Variants in PLCG2 observed in about 807,000 individuals in gnomAD.
PLCG2 encodes the protein 1-phosphatidylinositol 4,5-bisphosphate phosphodiesterase gamma-2.
A neutral mutation model predicts 175.6 loss-of-function variants in PLCG2; 69 were observed. The observed-to-expected ratio is 0.39, with a 90% CI of 0.32 to 0.48. The LOEUF (loss-of-function observed/expected upper bound fraction) is 0.48, where lower values mean the gene tolerates loss of function less well. Among genes scored for constraint, PLCG2 ranks in the 20% least tolerant of loss-of-function variants. The pLI, the probability that PLCG2 is intolerant of heterozygous loss-of-function variation, is 0.91. For missense variants in PLCG2, 1,798 were observed against 1,650.9 expected (o/e 1.09, Z -1.54); for synonymous variants, 827 against 624.0 (o/e 1.33, Z -4.85).
chr16:81,747,879 CT>C (rs536858104), intron 1 of PLCG2, among the ~76,000 whole-genome samples: 13 of 152,096 alleles, frequency 8.5e-5, no homozygotes, highest in South Asian at 4.1e-4. Context: ...AAATGAATGA[CT>C]TTTTTTCTTT....
At position 81,842,301 on chromosome 16, in the gene PLCG2, T is replaced by G. The variant is rs542996386; in HGVS notation, c.194-12143T>G. 1.7e-4 allele frequency among the ~76,000 whole-genome samples: 26 copies of G among 152,252 alleles called. 1 individual carries two copies. The East Asian group carries it at 5.0e-3, about 29-fold the overall frequency. On this transcript the variant is annotated intron_variant, in intron 2 of 32. Transcript: ENST00000564138. Reference sequence around the variant, plus strand: ...TCCCCTTGCTGGGGAGGAGCCCCAGTGTGGACTCTGTTGCACTCCTGATGT... The same window carrying G: ...TCCCCTTGCTGGGGAGGAGCCCCAGGGTGGACTCTGTTGCACTCCTGATGT...
intron 1 of PLCG2, among the ~76,000 whole-genome samples, chr16:81,746,337 A>T (rs1263951009): frequency 6.6e-6 from 1 of 152,112 alleles, no homozygotes; most frequent in Non-Finnish European, 1.5e-5. Flanking sequence ...ACAGGTGGAG[A>T]ACCCAACTCC....
At chr16:81,799,816 A>G (rs766094856) in intron 2 of PLCG2, among the ~76,000 whole-genome samples, 29 of 146,440 alleles carry the variant, frequency 2.0e-4, no homozygotes, top group Non-Finnish European at 3.3e-4. Context: ...GATGGTCTCG[A>G]TCTCCTGACC....
chr16:81,860,173 T>TTA (rs56260145), intron 5 of PLCG2, among the ~76,000 whole-genome samples: 10,068 of 80,954 alleles, frequency 0.12, 414 homozygotes, highest in Non-Finnish European at 0.18. Flanking sequence ...ATTATTATTA[T>TTA]TTTTTTTTTT....
At position 81,786,148 on chromosome 16, in the gene PLCG2, C is replaced by T. The variant is rs767741418; in HGVS notation, c.159C>T (p.Ala53=). The change falls in exon 2 of 33, where the codon GCC becomes GCT. Residue 53 remains alanine, a synonymous_variant. Coordinates refer to ENST00000564138, the MANE Select transcript of PLCG2 (RefSeq NM_002661.5). The part of the protein sequence containing the change: ...VQVIMETRQV[A]WSKTADKIEG... The stretch of plus-strand genomic sequence containing the variant: ...TGATCATGGAGACGCGGCAGGTGGC[C>T]TGGAGCAAGACCGCTGACAAGATCG... 1.2e-6 allele frequency: 2 copies of T among 1,614,170 alleles called. No individual in the cohort carries two copies. The highest frequency in any genetic ancestry group is 4.5e-5 in the East Asian group (2 of 44,882).
intron 30 of PLCG2, among the ~76,000 whole-genome samples, chr16:81,942,233 G>A (rs1480427022): frequency 6.6e-6 from 1 of 152,198 alleles, no homozygotes; most frequent in East Asian, 1.9e-4. Flanking sequence ...GCCTTGCAGA[G>A]ATGTCAGAGT....
At chr16:81,823,894 C>G (rs1455066451) in intron 2 of PLCG2, among the ~76,000 whole-genome samples, 1 of 146,098 alleles carries the variant, frequency 6.8e-6, no homozygotes, top group Non-Finnish European at 1.5e-5. Context: ...TCTTTTCTTT[C>G]CTCCCTTCCT....
chr16:81,811,746 C>T (rs1014956629), intron 2 of PLCG2, among the ~76,000 whole-genome samples: 2 of 152,154 alleles, frequency 1.3e-5, no homozygotes, highest in African/African-American at 2.4e-5. Flanking sequence ...ATATGTGCCA[C>T]ATTTTCTTTA....
At chr16:81,847,205 A>G (rs1231702953) in intron 2 of PLCG2, among the ~76,000 whole-genome samples, 1 of 152,228 alleles carries the variant, frequency 6.6e-6, no homozygotes, top group East Asian at 1.9e-4. Flanking sequence ...ATTACAAAAG[A>G]TAAAGATGAT....
chr16:81,751,894 C>T (rs1029202162), intron 1 of PLCG2, among the ~76,000 whole-genome samples: 4 of 151,794 alleles, frequency 2.6e-5, no homozygotes, highest in East Asian at 1.9e-4. Flanking sequence ...TGGTGGCAGG[C>T]GTCTGTAATC....
chr16:81,827,326 G>A (rs1597340674), intron 2 of PLCG2, among the ~76,000 whole-genome samples: 1 of 152,070 alleles, frequency 6.6e-6, no homozygotes, highest in Non-Finnish European at 1.5e-5. Flanking sequence ...TGGGACCACA[G>A]GTGTATGCTC....
chr16:81,909,316 T>C (rs1440065703), intron 17 of PLCG2, among the ~76,000 whole-genome samples: 1 of 152,166 alleles, frequency 6.6e-6, no homozygotes, highest in African/African-American at 2.4e-5. Flanking sequence ...TGGGGGGATT[T>C]GTGAAAGTCT....
intron 2 of PLCG2, among the ~76,000 whole-genome samples, chr16:81,816,765 A>G (rs1904571333): frequency 6.8e-6 from 1 of 147,686 alleles, no homozygotes; most frequent in African/African-American, 2.5e-5. Flanking sequence ...GCCTCCCAAA[A>G]TGCTGGGATT....
At chr16:81,841,692 C>G (rs1476158743) in intron 2 of PLCG2, among the ~76,000 whole-genome samples, 1 of 152,192 alleles carries the variant, frequency 6.6e-6, no homozygotes, top group East Asian at 1.9e-4. Context: ...TAACTCATGC[C>G]TGCTAGATCC....
chr16:81,776,799 C>A (rs1170062230), upstream of PLCG2, among the ~76,000 whole-genome samples: 2 of 152,182 alleles, frequency 1.3e-5, no homozygotes, highest in Non-Finnish European at 2.9e-5. Context: ...AGGTAAGCCG[C>A]CTGCCTTGGC....
chr16:81,800,272 G>A (rs1388158873), intron 2 of PLCG2, among the ~76,000 whole-genome samples: 3 of 152,108 alleles, frequency 2.0e-5, no homozygotes, highest in Non-Finnish European at 1.5e-5. Flanking sequence ...ATAGGTAAGC[G>A]TTTGCCATCG....
intron 25 of PLCG2, among the ~76,000 whole-genome samples, chr16:81,933,952 G>A (rs1478350170): frequency 1.3e-5 from 2 of 152,252 alleles, no homozygotes; most frequent in Admixed American, 1.3e-4. Flanking sequence ...CCCTTGGACA[G>A]AGCCCTGATG....
rs1567528765 is a variant in PLCG2 at position 81,910,802 on chromosome 16, C to T, written c.1934+82C>T. On this transcript the variant is annotated intron_variant, in intron 18 of 32. Coordinates refer to ENST00000564138, the MANE Select transcript of PLCG2 (RefSeq NM_002661.5). ...CAGAGAAGCTGGCCTGGTGGTTCAG[C>T]CGGGCCAGTCCCCCAGGACACCCTC... 3.8e-6 allele frequency: 5 copies of T among 1,318,768 alleles called. No homozygotes were observed. In the East Asian group the frequency reaches 9.2e-5, roughly 24 times the overall value. The allele number at this position is 1,318,768 out of a possible 1,614,324, so 81.7% of individuals were successfully genotyped here.
At chr16:81,772,883 C>G (rs1910314102) in intron 2 of PLCG2, among the ~76,000 whole-genome samples, 1 of 152,138 alleles carries the variant, frequency 6.6e-6, no homozygotes, top group Non-Finnish European at 1.5e-5. Context: ...AAAAGGGAGA[C>G]CTTCGGATGC....
Sources: allele counts gnomAD v4.1 joint callset (sites outside exome capture counted in the v4.1 genomes callset), GRCh38; gene constraint gnomAD v4.1.1; transcripts MANE v1.5; gene names NCBI Gene and HGNC (gene_info 2026-07-23, HGNC 2026-07-21).